The following ZC3H12B variants were observed in gnomAD, a reference collection of about 807,000 sequenced individuals.
ZC3H12B encodes probable ribonuclease ZC3H12B.
In ZC3H12B, 7 loss-of-function variants were observed where a neutral mutation model predicts 43.9. That is an observed-to-expected ratio of 0.16 (90% CI 0.09 to 0.30). The LOEUF is 0.30. ZC3H12B is among the 10% of genes least tolerant of loss of function. ZC3H12B has a pLI of 1.00. For missense variants in ZC3H12B, 475 were observed against 670.2 expected, an observed-to-expected ratio of 0.71 and a Z score of 3.22; for synonymous variants, 222 against 241.7, an observed-to-expected ratio of 0.92 and a Z score of 0.76.
the ZC3H12B span, among the ~76,000 whole-genome samples, chrX:65,046,946 T>G: frequency 9.0e-6 from 1 of 110,944 alleles, no homozygotes; most frequent in Admixed American, 9.6e-5. Flanking sequence ...AATCAGAACA[T>G]GTACATATTT....
chrX:65,149,343 C>T, the ZC3H12B span, among the ~76,000 whole-genome samples: 2 of 111,992 alleles, frequency 1.8e-5, no homozygotes, highest in African/African-American at 3.2e-5. Context: ...TTTTTCTGTG[C>T]GCAGATTTCT....
At chrX:65,469,284 T>C (rs990447535) in intron 3 of ZC3H12B, 22 of 271,521 alleles carry the variant, frequency 8.1e-5, no homozygotes, top group Non-Finnish European at 1.5e-4. Context: ...GTCCTGGTGC[T>C]CCGAGCGCAT....
At chrX:65,151,734 G>A in the ZC3H12B span, among the ~76,000 whole-genome samples, 1 of 111,366 alleles carries the variant, frequency 9.0e-6, no homozygotes, top group Non-Finnish European at 1.9e-5. Flanking sequence ...TCATTTATGA[G>A]GCCAGCATCA....
chrX:65,385,771 G>A (rs2066515263), intron 2 of ZC3H12B, among the ~76,000 whole-genome samples: 1 of 111,868 alleles, frequency 8.9e-6, no homozygotes, highest in Non-Finnish European at 1.9e-5. Flanking sequence ...GTATGACATT[G>A]GCTGTCGGTT....
chrX:65,435,191 TCCTTC>T (rs1351314805), intron 3 of ZC3H12B, among the ~76,000 whole-genome samples: 1 of 111,980 alleles, frequency 8.9e-6, no homozygotes, highest in Non-Finnish European at 1.9e-5. Flanking sequence ...GATAAGATTA[TCCTTC>T]AGGGCACACC....
chrX:65,147,121 C>T, the ZC3H12B span, among the ~76,000 whole-genome samples: 2 of 111,946 alleles, frequency 1.8e-5, no homozygotes, highest in Admixed American at 9.5e-5. Flanking sequence ...GAGTTTTATA[C>T]TCTCGTGGTT....
chrX:65,136,832 C>T, the ZC3H12B span, among the ~76,000 whole-genome samples: 4 of 111,436 alleles, frequency 3.6e-5, no homozygotes, highest in Admixed American at 9.6e-5. Flanking sequence ...TTCATTTGTA[C>T]TTAGCAGGAG....
chrX:65,119,171 C>T, the ZC3H12B span, among the ~76,000 whole-genome samples: 6 of 111,298 alleles, frequency 5.4e-5, no homozygotes, highest in Admixed American at 1.9e-4. Context: ...ACCCAGTAAT[C>T]GGATGGCTGG....
chrX:65,227,678 C>T, the ZC3H12B span, among the ~76,000 whole-genome samples: 1 of 110,959 alleles, frequency 9.0e-6, no homozygotes, highest in African/African-American at 3.3e-5. Flanking sequence ...CAAATAAACA[C>T]AATAAAAAAT....
chrX:65,359,081 A>C, the ZC3H12B span, among the ~76,000 whole-genome samples: 5 of 111,492 alleles, frequency 4.5e-5, no homozygotes, highest in African/African-American at 1.6e-4. Flanking sequence ...AACCAAGTCC[A>C]TATAACAGCA....
rs377094680 is a variant in ZC3H12B at position 65,457,180 on chromosome X, G to A, written n.408-31466G>A. The stretch of plus-strand genomic sequence containing the variant: ...GCGTCTCTGCCCGGCTGCCCCGTCT[G>A]AGAAGTGAGGAAACCCTCTGCCTGG... On this transcript the variant is annotated intron_variant and non_coding_transcript_variant, in intron 3 of 5. Transcript: ENST00000617377. Among the ~76,000 whole-genome samples, 275 of 79,446 alleles carry A rather than the reference G, an allele frequency of 3.5e-3. 6 individuals carry two copies. The East Asian group carries it at 0.056, about 16-fold the overall frequency. 69.0% of individuals were successfully genotyped at this position (79,446 alleles called of 115,157 possible).
At chrX:65,344,154 C>A in the ZC3H12B span, among the ~76,000 whole-genome samples, 2 of 112,008 alleles carry the variant, frequency 1.8e-5, no homozygotes, top group African/African-American at 3.2e-5. Context: ...ATGAGAACTG[C>A]AAAACAATGC....
chrX:65,322,655 G>A, the ZC3H12B span, among the ~76,000 whole-genome samples: 1 of 111,687 alleles, frequency 9.0e-6, no homozygotes, highest in Non-Finnish European at 1.9e-5. Context: ...TTTCGTCGTA[G>A]ATTTTGAAAT....
the ZC3H12B span, among the ~76,000 whole-genome samples, chrX:65,167,248 G>C: frequency 2.7e-5 from 3 of 111,907 alleles, no homozygotes; most frequent in African/African-American, 9.8e-5. Context: ...TCCAGTTTCA[G>C]CTTTCTACAT....
chrX:65,109,605 C>T, the ZC3H12B span, among the ~76,000 whole-genome samples: 1 of 111,651 alleles, frequency 9.0e-6, no homozygotes, highest in East Asian at 2.8e-4. Context: ...AGTTAATGAA[C>T]ATTTGGGTTG....
chrX:65,394,939 T>C (rs2066676313), intron 2 of ZC3H12B, among the ~76,000 whole-genome samples: 1 of 111,213 alleles, frequency 9.0e-6, no homozygotes, highest in Admixed American at 9.5e-5. Flanking sequence ...AGCTGTTAAG[T>C]GGTATTTCTA....
At chrX:65,159,818 A>T in the ZC3H12B span, among the ~76,000 whole-genome samples, 1 of 111,914 alleles carries the variant, frequency 8.9e-6, no homozygotes, top group Non-Finnish European at 1.9e-5. Context: ...GAGTGGTGAG[A>T]GAGGGCATCC....
the ZC3H12B span, among the ~76,000 whole-genome samples, chrX:65,263,035 G>T: frequency 4.5e-5 from 5 of 110,837 alleles, no homozygotes; most frequent in Non-Finnish European, 7.6e-5. Flanking sequence ...CTTACTAACT[G>T]TATGACTTTG....
chrX:65,325,338 A>G, the ZC3H12B span, among the ~76,000 whole-genome samples: 1 of 111,646 alleles, frequency 9.0e-6, no homozygotes, highest in South Asian at 3.7e-4. Flanking sequence ...TCATGATCTT[A>G]TGTGGAAAAA....
Sources: gnomAD v4.1 joint callset for allele counts (sites outside exome capture counted in the v4.1 genomes callset) on GRCh38, gnomAD v4.1.1 for gene constraint, MANE v1.5 for transcripts, NCBI Gene and HGNC (gene_info 2026-07-23, HGNC 2026-07-21) for gene names.